Variants in FLT1 observed in about 807,000 individuals in gnomAD.
The protein encoded by FLT1 is vascular endothelial growth factor receptor 1.
FLT1 carries 49 observed loss-of-function variants against 156.3 expected under a neutral mutation model. That is an observed-to-expected ratio of 0.31 (90% CI 0.25 to 0.40). The LOEUF (loss-of-function observed/expected upper bound fraction) is 0.40, where lower values mean the gene tolerates loss of function less well. FLT1 is among the 10% of genes least tolerant of loss of function. The probability of loss-of-function intolerance (pLI) is 1.00; values close to 1 mark genes in which losing one functional copy is unlikely to be tolerated. For synonymous variants in FLT1, 594 were observed against 583.8 expected (o/e 1.02, Z -0.25); for missense variants, 1,322 against 1,637.2 (o/e 0.81, Z 3.32).
intron 1 of FLT1, among the ~76,000 whole-genome samples, chr13:28,474,806 T>C (rs899305771): frequency 5.3e-5 from 8 of 152,192 alleles, no homozygotes; most frequent in African/African-American, 1.9e-4. Flanking sequence ...AATATTCTTG[T>C]CTCTTACAGT....
chr13:28,339,636 A>G (rs1872254561), intron 16 of FLT1, among the ~76,000 whole-genome samples: 1 of 152,228 alleles, frequency 6.6e-6, no homozygotes, highest in Non-Finnish European at 1.5e-5. Flanking sequence ...AAGCATTTTT[A>G]TAAAGTCATT....
chr13:28,377,104 C>T (rs751746685), intron 14 of FLT1, among the ~76,000 whole-genome samples: 19 of 152,128 alleles, frequency 1.2e-4, no homozygotes, highest in Non-Finnish European at 2.6e-4. Context: ...TTATCTCTGG[C>T]TCTCTGTATT....
rs749508767 is a variant in FLT1, at chr13:28,431,276, T to G, written c.848A>C (p.Asp283Ala). The change falls in exon 7 of 30, where the codon GAC becomes GCC. Residue 283 changes from aspartate (D) to alanine (A), a missense_variant. Asp to Ala is a moderately radical substitution (Grantham distance 126). Around this residue, in one of 3 missense-constraint regions of FLT1, gnomAD observed 991 missense variants for 1,254.8 expected, o/e 0.79. Coordinates refer to ENST00000282397, the MANE Select transcript of FLT1 (RefSeq NM_002019.4). ...NKRASVRRRI[D>A]QSNSHANIFY... is the part of the protein sequence containing the mutation. ...TATGTTGGCATGGGAATTGCTTTGGTCAATTCGTCGCCTTACGGAAGCTCT... is the reference window on the plus strand; with the variant it reads ...TATGTTGGCATGGGAATTGCTTTGGGCAATTCGTCGCCTTACGGAAGCTCT... 1 of 1,613,850 alleles carries G rather than the reference T, an allele frequency of 6.2e-7. No individual in the cohort carries two copies. The highest frequency in any genetic ancestry group is 1.1e-5 in the South Asian group (1 of 91,076).
intron 1 of FLT1, among the ~76,000 whole-genome samples, chr13:28,479,474 G>A (rs1308248758): frequency 6.6e-6 from 1 of 152,078 alleles, no homozygotes; most frequent in Middle Eastern, 3.2e-3. Flanking sequence ...CACGTAGTAA[G>A]TATTTGTAAG....
intron 1 of FLT1, among the ~76,000 whole-genome samples, chr13:28,468,120 A>G (rs1215468761): frequency 6.6e-6 from 1 of 152,184 alleles, no homozygotes. Flanking sequence ...TCATGCAATC[A>G]TTAGTTGAGC....
chr13:28,435,350 A>T lies in FLT1; in HGVS notation c.514-1130T>A, dbSNP rs544251128. 4.6e-4 allele frequency among the ~76,000 whole-genome samples: 70 copies of T among 152,310 alleles called. No homozygotes were observed. The South Asian group carries it at 9.7e-3, about 21-fold the overall frequency. On this transcript the variant is annotated intron_variant, in intron 4 of 29. Transcript: ENST00000282397. ...GTAACATTTAAAGACTACAAGATAA[A>T]CACTCTGCCTTGGGATTAAACTTTA...
chr13:28,311,562 G>C (rs989645249), intron 27 of FLT1, 28 bp downstream of exon 27: 2 of 1,586,932 alleles, frequency 1.3e-6, no homozygotes, highest in African/African-American at 1.4e-5. Context: ...AAAATTCTGT[G>C]ATATAAAGTT....
intron 3 of FLT1, among the ~76,000 whole-genome samples, chr13:28,449,319 C>T (rs953485268): frequency 6.6e-6 from 1 of 152,150 alleles, no homozygotes; most frequent in African/African-American, 2.4e-5. Flanking sequence ...CCCTGGTGGG[C>T]AGGTGGCATA....
chr13:28,418,805 C>T (rs1459079943), intron 10 of FLT1, among the ~76,000 whole-genome samples: 1 of 152,058 alleles, frequency 6.6e-6, no homozygotes, highest in African/African-American at 2.4e-5. Flanking sequence ...AACTCCTGGG[C>T]TCAACTGATC....
intron 28 of FLT1, among the ~76,000 whole-genome samples, chr13:28,307,679 C>T (rs533692410): frequency 2.7e-4 from 41 of 149,236 alleles, no homozygotes; most frequent in Middle Eastern, 3.5e-3. Flanking sequence ...TTAAGGGTGA[C>T]TGTGCTTGCT....
chr13:28,440,192 T>C (rs1483263793), intron 3 of FLT1, among the ~76,000 whole-genome samples: 1 of 152,182 alleles, frequency 6.6e-6, no homozygotes, highest in East Asian at 1.9e-4. Context: ...GCAGTTTTTT[T>C]CTCTGGGTAC....
chr13:28,307,442 A>T (rs938791937), intron 28 of FLT1, among the ~76,000 whole-genome samples: 1 of 152,000 alleles, frequency 6.6e-6, no homozygotes, highest in Non-Finnish European at 1.5e-5. Flanking sequence ...ATCATTCACC[A>T]CTGATTTAGG....
chr13:28,368,447 C>T lies in FLT1; in HGVS notation c.2117-10762G>A, dbSNP rs539911523. On this transcript the variant is annotated intron_variant, in intron 14 of 29. Coordinates refer to ENST00000282397, the MANE Select transcript of FLT1 (RefSeq NM_002019.4). The stretch of plus-strand genomic sequence containing the variant: ...GATTACAGGCGTGAGCCACCATGCC[C>T]GGCCATTTGTTATTGTTATGATTGT... The T allele has an allele frequency of 4.9e-4, 712 of 1,463,160 alleles. 1 individual carries two copies. Among genetic ancestry groups the T allele is most frequent in the African/African-American group, 6.2e-4 (44 of 71,434 alleles). The allele number at this position is 1,463,160 out of a possible 1,614,324, so 90.6% of individuals were successfully genotyped here.
chr13:28,452,220 A>G (rs1386067542), intron 3 of FLT1, among the ~76,000 whole-genome samples: 1 of 152,164 alleles, frequency 6.6e-6, no homozygotes, highest in Non-Finnish European at 1.5e-5. Context: ...GTGGGAGCCC[A>G]GGCAAGGACA....
At chr13:28,467,483 G>A in intron 2 of FLT1, 38 bp downstream of exon 2, 1 of 1,355,574 alleles carries the variant, frequency 7.4e-7, no homozygotes, top group Non-Finnish European at 1.1e-6. Context: ...CCTTAGGCAT[G>A]GCAACTAGAT....
Position 28,384,964 on chromosome 13 carries a change from A to G in FLT1, c.2037T>C (p.Thr679=). 1.9e-6 allele frequency: 3 copies of G among 1,614,072 alleles called. No individual in the cohort carries two copies. Among genetic ancestry groups the G allele is most frequent in the Non-Finnish European group, 2.5e-6 (3 of 1,179,946 alleles). Residue 679 remains threonine, a synonymous_variant, in exon 14 of 30, where the codon ACT becomes ACC. Transcript: ENST00000282397. Reference sequence around the variant, plus strand: ...GGACACCATTAGCATGACAGTCTAAAGTGGTGGAACTGCTGATGGCCACTG... The same window carrying G: ...GGACACCATTAGCATGACAGTCTAAGGTGGTGGAACTGCTGATGGCCACTG... ...DHTVAISSST[T]LDCHANGVPE... is the part of the protein sequence containing the mutation.
chr13:28,311,590 C>G lies in FLT1; in HGVS notation c.3635G>C (p.Arg1212Thr), dbSNP rs751669180. Residue 1212 changes from arginine to threonine, a missense_variant and splice_region_variant, in exon 27 of 30, where the codon AGA becomes ACA. By Grantham distance (71) the Arg-to-Thr change is moderately conservative. Coordinates refer to ENST00000282397, the MANE Select transcript of FLT1 (RefSeq NM_002019.4). ...KFNSGSSDDV[R>T]YVNAFKFMSL... The stretch of plus-strand genomic sequence containing the variant: ...ATAAAGTTTGAGAAAGAAATCTTAC[C>G]TGACATCATCAGAGCTTCCTGAATT... 6.2e-7 allele frequency: 1 copy of G among 1,612,146 alleles called. No individual in the cohort carries two copies. The highest frequency in any genetic ancestry group is 8.5e-7 in the Non-Finnish European group (1 of 1,179,158).
At chr13:28,475,109 G>C (rs1880468647) in intron 1 of FLT1, among the ~76,000 whole-genome samples, 1 of 152,040 alleles carries the variant, frequency 6.6e-6, no homozygotes, top group Non-Finnish European at 1.5e-5. Context: ...CAAACATGTT[G>C]CAAAAAACTT....
chr13:28,320,788 G>A (rs1427176768), intron 23 of FLT1, among the ~76,000 whole-genome samples: 1 of 152,072 alleles, frequency 6.6e-6, no homozygotes, highest in African/African-American at 2.4e-5. Context: ...TAGGTGATAT[G>A]TATGTTCAAT....
Sources: allele counts gnomAD v4.1 joint callset (sites outside exome capture counted in the v4.1 genomes callset), GRCh38; gene constraint gnomAD v4.1.1; regional missense constraint gnomAD v4.1.1; transcripts MANE v1.5; gene names NCBI Gene and HGNC (gene_info 2026-07-23, HGNC 2026-07-21).